The following LTBP1 variants were observed in gnomAD, a reference collection of about 807,000 sequenced individuals.
LTBP1 encodes latent-transforming growth factor beta-binding protein 1.
LTBP1 carries 129 observed loss-of-function variants against 207.6 expected under a neutral mutation model. That is an observed-to-expected ratio of 0.62 (90% CI 0.54 to 0.72). The LOEUF (loss-of-function observed/expected upper bound fraction) is 0.72, where lower values mean the gene tolerates loss of function less well. LTBP1 is among the 30% of genes least tolerant of loss of function. The probability of loss-of-function intolerance (pLI) is 0.00; values close to 1 mark genes in which losing one functional copy is unlikely to be tolerated. For synonymous variants in LTBP1, 963 were observed against 833.7 expected, an observed-to-expected ratio of 1.16 and a Z score of -2.67; for missense variants, 2,281 against 2,217.2, an observed-to-expected ratio of 1.03 and a Z score of -0.58.
chr2:33,061,856 G>C (rs2077285712), intron 3 of LTBP1, among the ~76,000 whole-genome samples: 1 of 152,108 alleles, frequency 6.6e-6, no homozygotes, highest in South Asian at 2.1e-4. Context: ...AGGTAGGTAT[G>C]TGGTTAGCTT....
At chr2:33,159,131 C>T (rs529398827) in intron 5 of LTBP1, among the ~76,000 whole-genome samples, 1 of 152,308 alleles carries the variant, frequency 6.6e-6, no homozygotes, top group South Asian at 2.1e-4. Flanking sequence ...AAAGTACCTG[C>T]CTAGCAAGCT....
intron 5 of LTBP1, among the ~76,000 whole-genome samples, chr2:33,150,773 C>T (rs2083462535): frequency 8.4e-6 from 1 of 118,896 alleles, no homozygotes; most frequent in African/African-American, 3.4e-5. Flanking sequence ...GGCTGGAGTG[C>T]AGTGGCAACC....
chr2:32,961,301 C>G (rs951018623), intron 2 of LTBP1, among the ~76,000 whole-genome samples: 4 of 152,162 alleles, frequency 2.6e-5, no homozygotes, highest in Admixed American at 6.5e-5. Context: ...CAGCAGGGAG[C>G]TGCGAGGCTG....
chr2:33,085,412 C>T (rs905855025), intron 3 of LTBP1, among the ~76,000 whole-genome samples: 20 of 152,300 alleles, frequency 1.3e-4, no homozygotes, highest in African/African-American at 4.6e-4. Context: ...CACATCTGCT[C>T]AAGTTTACCT....
At chr2:33,190,530 A>G (rs1244224419) in intron 7 of LTBP1, among the ~76,000 whole-genome samples, 1 of 152,170 alleles carries the variant, frequency 6.6e-6, no homozygotes, top group East Asian at 1.9e-4. Context: ...ATCCTTGTGG[A>G]GTTGTAAGAC....
chr2:32,979,515 A>G (rs1682426658), intron 2 of LTBP1, among the ~76,000 whole-genome samples: 1 of 152,046 alleles, frequency 6.6e-6, no homozygotes, highest in Non-Finnish European at 1.5e-5. Flanking sequence ...ATTCCTTTTG[A>G]ATTGATTTCT....
rs577050027 is a variant in LTBP1 at position 33,178,250 on chromosome 2, G to C, written c.1202-8606G>C. ...GGTTTAGGAATCATTAGGAGAGAGCGACAATGACAGCATCTGTGATGAAGA... is the reference window on the plus strand; with the variant it reads ...GGTTTAGGAATCATTAGGAGAGAGCCACAATGACAGCATCTGTGATGAAGA... On this transcript the variant is annotated intron_variant, in intron 5 of 33. Coordinates refer to ENST00000404816, the MANE Select transcript of LTBP1 (RefSeq NM_206943.4). 2.0e-5 allele frequency among the ~76,000 whole-genome samples: 3 copies of C among 152,294 alleles called. No individual in the cohort carries two copies. The East Asian group carries it at 5.8e-4, about 29-fold the overall frequency.
In LTBP1 at chr2:33,109,921, T is replaced by A. The variant is rs1049630583; in HGVS notation, c.864-661T>A. ...TTTAGCATTAGGCAGCGTTAGAAGGTCCCACTGTATCATACAGCTTTAATT... is the reference window on the plus strand; with the variant it reads ...TTTAGCATTAGGCAGCGTTAGAAGGACCCACTGTATCATACAGCTTTAATT... On this transcript the variant is annotated intron_variant, in intron 3 of 33. Coordinates refer to ENST00000404816, the MANE Select transcript of LTBP1 (RefSeq NM_206943.4). Among the ~76,000 whole-genome samples the A allele has an allele frequency of 2.6e-5, 4 of 152,336 alleles. No homozygotes were observed. The East Asian group carries it at 7.7e-4, about 29-fold the overall frequency.
chr2:32,954,511 G>A (rs919284081), intron 2 of LTBP1, among the ~76,000 whole-genome samples: 18 of 151,292 alleles, frequency 1.2e-4, no homozygotes, highest in African/African-American at 4.1e-4. Context: ...CTTTTTATAA[G>A]GACATCAGTC....
At chr2:33,197,809 G>C (rs559000328) in intron 7 of LTBP1, among the ~76,000 whole-genome samples, 3 of 152,118 alleles carry the variant, frequency 2.0e-5, no homozygotes, top group Admixed American at 6.6e-5. Flanking sequence ...CCACTGCCTC[G>C]TTGCACAAGC....
chr2:33,180,852 T>A (rs1301108154), intron 5 of LTBP1, among the ~76,000 whole-genome samples: 2 of 152,096 alleles, frequency 1.3e-5, no homozygotes, highest in Admixed American at 1.3e-4. Flanking sequence ...GGGGGAGAAA[T>A]AATGTGGTAA....
At chr2:33,076,111 A>G (rs2078067338) in intron 3 of LTBP1, among the ~76,000 whole-genome samples, 1 of 152,236 alleles carries the variant, frequency 6.6e-6, no homozygotes, top group South Asian at 2.1e-4. Context: ...TGATTGAGGT[A>G]TAAGTCTCAA....
chr2:32,990,596 A>G (rs1684256743), intron 2 of LTBP1, among the ~76,000 whole-genome samples: 1 of 152,200 alleles, frequency 6.6e-6, no homozygotes, highest in African/African-American at 2.4e-5. Flanking sequence ...CCACATTTTC[A>G]TAAATTTGGA....
At chr2:33,022,932 A>C (rs371080781) in intron 3 of LTBP1, among the ~76,000 whole-genome samples, 2 of 152,190 alleles carry the variant, frequency 1.3e-5, no homozygotes, top group East Asian at 3.8e-4. Context: ...AAAACATAAA[A>C]GTTATCCTTA....
intron 3 of LTBP1, among the ~76,000 whole-genome samples, chr2:33,097,682 T>A (rs1189677128): frequency 6.6e-6 from 1 of 152,210 alleles, no homozygotes; most frequent in Admixed American, 6.5e-5. Context: ...TATATAATTA[T>A]CTTTAACTTT....
chr2:33,393,789 A>T (rs571438604), intron 32 of LTBP1, among the ~76,000 whole-genome samples: 1 of 152,034 alleles, frequency 6.6e-6, no homozygotes, highest in Non-Finnish European at 1.5e-5. Context: ...TGATTTATAA[A>T]CCTTTGGGTA....
At chr2:33,056,527 T>C in intron 3 of LTBP1, 1 of 616,068 alleles carries the variant, frequency 1.6e-6, no homozygotes, top group Non-Finnish European at 2.7e-6. Context: ...TGCAAAAATG[T>C]GTCCAGATTT....
At chr2:33,192,284 G>A (rs1216575982) in intron 7 of LTBP1, among the ~76,000 whole-genome samples, 1 of 152,148 alleles carries the variant, frequency 6.6e-6, no homozygotes, top group African/African-American at 2.4e-5. Context: ...TCAACTCAGC[G>A]TCATTAATAG....
chr2:32,947,878 C>T (rs940755215), intron 1 of LTBP1, 60 bp downstream of exon 1: 4 of 1,260,274 alleles, frequency 3.2e-6, no homozygotes, highest in Non-Finnish European at 4.0e-6. Context: ...CGCGGAGGGA[C>T]CTGCGGGGTC....
Sources: gnomAD v4.1 joint callset for allele counts (sites outside exome capture counted in the v4.1 genomes callset) on GRCh38, gnomAD v4.1.1 for gene constraint, MANE v1.5 for transcripts, NCBI Gene and HGNC (gene_info 2026-07-23, HGNC 2026-07-21) for gene names.